Variants in DNER observed in about 807,000 individuals in gnomAD.
DNER encodes delta and Notch-like epidermal growth factor-related receptor.
Under a neutral mutation model 78.2 loss-of-function variants are expected in DNER, and 33 were observed. That is an observed-to-expected ratio of 0.42 (90% CI 0.32 to 0.56). The LOEUF (loss-of-function observed/expected upper bound fraction) is 0.56, where lower values mean the gene tolerates loss of function less well. DNER is among the 20% of genes least tolerant of loss of function. DNER has a pLI of 0.11. For missense variants in DNER, 918 were observed against 975.3 expected, an observed-to-expected ratio of 0.94 and a Z score of 0.78; for synonymous variants, 417 against 384.8, an observed-to-expected ratio of 1.08 and a Z score of -0.98.
chr2:229,522,121 A>C (rs1574883668), intron 5 of DNER, among the ~76,000 whole-genome samples: 1 of 152,336 alleles, frequency 6.6e-6, no homozygotes, highest in East Asian at 1.9e-4. Flanking sequence ...TTCAGCTTAA[A>C]TGATAAATTT....
At chr2:229,540,853 A>G (rs1574892819) in intron 5 of DNER, among the ~76,000 whole-genome samples, 1 of 152,326 alleles carries the variant, frequency 6.6e-6, no homozygotes, top group African/African-American at 2.4e-5. Context: ...CTGGTATCCG[A>G]TCCTAATAGA....
At chr2:229,486,202 C>T (rs1158740255) in intron 6 of DNER, among the ~76,000 whole-genome samples, 2 of 152,108 alleles carry the variant, frequency 1.3e-5, no homozygotes, top group African/African-American at 2.4e-5. Flanking sequence ...GGAAGGCAGA[C>T]ATTATTGCAC....
At chr2:229,378,587 C>A (rs533027971) in intron 11 of DNER, among the ~76,000 whole-genome samples, 23 of 152,294 alleles carry the variant, frequency 1.5e-4, no homozygotes, top group Admixed American at 3.3e-4. Context: ...GACTCAGCAG[C>A]CCTCCAGCAC....
At chr2:229,553,069 G>T (rs1426018228) in intron 4 of DNER, among the ~76,000 whole-genome samples, 2 of 152,168 alleles carry the variant, frequency 1.3e-5, no homozygotes, top group African/African-American at 4.8e-5. Flanking sequence ...AGGGAGAGTA[G>T]ATACCCACCA....
At position 229,388,641 on chromosome 2, in the gene DNER, ATAT is replaced by A. The variant is rs1692953557; in HGVS notation, c.1724-248_1724-246del. 3.5e-5 allele frequency among the ~76,000 whole-genome samples: 3 copies of A among 86,044 alleles called. No homozygotes were observed. The Admixed American group carries it at 4.0e-4, about 12-fold the overall frequency. 56.4% of individuals were successfully genotyped at this position (86,044 alleles called of 152,430 possible). A position where few individuals can be genotyped will look rare whatever the true frequency, so the allele number is the denominator to read the frequency against. On this transcript the variant is annotated intron_variant, in intron 10 of 12. Transcript: ENST00000341772. ...TATATATATATATATATATATATAT[ATAT>A]ATAGCACTGGTAAAAAGAATCTTTC...
chr2:229,594,086 A>C (rs1251868121), intron 1 of DNER, among the ~76,000 whole-genome samples: 1 of 152,200 alleles, frequency 6.6e-6, no homozygotes, highest in African/African-American at 2.4e-5. Flanking sequence ...CCTCCTCAAA[A>C]GGGGCACTGA....
At chr2:229,563,607 C>CCAT (rs551916753) in intron 4 of DNER, among the ~76,000 whole-genome samples, 1 of 143,574 alleles carries the variant, frequency 7.0e-6, no homozygotes, top group Non-Finnish European at 1.5e-5. Context: ...CACCCCATCA[C>CCAT]CATCATCATC....
intron 5 of DNER, among the ~76,000 whole-genome samples, chr2:229,529,883 C>T (rs928624100): frequency 1.3e-5 from 2 of 152,144 alleles, no homozygotes; most frequent in African/African-American, 2.4e-5. Context: ...TTGGTATACC[C>T]GTGTGGTCCC....
At chr2:229,383,551 A>C (rs1414629642) in intron 11 of DNER, among the ~76,000 whole-genome samples, 1 of 152,196 alleles carries the variant, frequency 6.6e-6, no homozygotes, top group African/African-American at 2.4e-5. Flanking sequence ...GCTCAAAATA[A>C]AGGGATGGAG....
At chr2:229,586,750 C>G in intron 3 of DNER, 1 of 985,862 alleles carries the variant, frequency 1.0e-6, no homozygotes, top group Non-Finnish European at 1.2e-6. Flanking sequence ...CCACATATTA[C>G]CTCTTCCCAG....
chr2:229,390,359 A>G (rs1275293754), intron 10 of DNER, among the ~76,000 whole-genome samples: 1 of 152,214 alleles, frequency 6.6e-6, no homozygotes, highest in African/African-American at 2.4e-5. Flanking sequence ...CCTAAACTCT[A>G]TGCAGTCCCA....
chr2:229,519,659 G>A (rs181132608), intron 5 of DNER, among the ~76,000 whole-genome samples: 12 of 152,202 alleles, frequency 7.9e-5, no homozygotes, highest in Non-Finnish European at 1.8e-4. Context: ...CATTCACAGC[G>A]GCATACAGTC....
At chr2:229,685,932 G>A (rs142928538) in intron 1 of DNER, among the ~76,000 whole-genome samples, 21 of 152,166 alleles carry the variant, frequency 1.4e-4, no homozygotes, top group Non-Finnish European at 2.2e-4. Flanking sequence ...AGGCTTAGTG[G>A]GCACCTGAAG....
At chr2:229,700,279 AAT>A (rs1351318746) in intron 1 of DNER, among the ~76,000 whole-genome samples, 15 of 50,836 alleles carry the variant, frequency 3.0e-4, no homozygotes, top group African/African-American at 1.1e-3. Context: ...CATTTATGTC[AAT>A]ATATGTGTGT....
chr2:229,637,906 CA>C (rs1368199269), intron 1 of DNER, among the ~76,000 whole-genome samples: 1 of 152,130 alleles, frequency 6.6e-6, no homozygotes, highest in Non-Finnish European at 1.5e-5. Flanking sequence ...TGGTTTATTT[CA>C]AAAATTACCA....
chr2:229,424,129 G>C (rs2106351807), intron 8 of DNER, among the ~76,000 whole-genome samples: 1 of 152,324 alleles, frequency 6.6e-6, no homozygotes, highest in African/African-American at 2.4e-5. Context: ...GGACCTTCCA[G>C]GTGCCCTGGG....
At chr2:229,668,164 A>T (rs555616991) in intron 1 of DNER, among the ~76,000 whole-genome samples, 1 of 152,204 alleles carries the variant, frequency 6.6e-6, no homozygotes, top group African/African-American at 2.4e-5. Context: ...GCTGACCACC[A>T]GTAGGATTCA....
intron 1 of DNER, among the ~76,000 whole-genome samples, chr2:229,622,540 C>A (rs886954730): frequency 1.3e-5 from 2 of 151,964 alleles, no homozygotes; most frequent in Non-Finnish European, 2.9e-5. Context: ...GAGTAACCTC[C>A]TTAGGAGCCA....
chr2:229,599,773 A>G (rs1226269189), intron 1 of DNER, among the ~76,000 whole-genome samples: 1 of 152,252 alleles, frequency 6.6e-6, no homozygotes, highest in African/African-American at 2.4e-5. Flanking sequence ...TAAATGCCTC[A>G]GCGAAAAGGG....
Sources: gnomAD v4.1 joint callset for allele counts (sites outside exome capture counted in the v4.1 genomes callset) on GRCh38, gnomAD v4.1.1 for gene constraint, MANE v1.5 for transcripts, NCBI Gene and HGNC (gene_info 2026-07-23, HGNC 2026-07-21) for gene names.